LHFPL3: variants seen among roughly 807,000 people sequenced by gnomAD.
The protein encoded by LHFPL3 is LHFPL tetraspan subfamily member 3, also known as LHFPL tetraspan subfamily member 3 protein.
Under a neutral mutation model 19.3 loss-of-function variants are expected in LHFPL3, and 5 were observed. The ratio of observed to expected loss-of-function variants is 0.26; its 90% confidence interval spans 0.14 to 0.54. The LOEUF is 0.54. Among genes scored for constraint, LHFPL3 ranks in the 20% least tolerant of loss-of-function variants. The pLI, the probability that LHFPL3 is intolerant of heterozygous loss-of-function variation, is 0.94. For synonymous variants in LHFPL3, 133 were observed against 126.2 expected (o/e 1.05, Z -0.36); for missense variants, 249 against 307.4 (o/e 0.81, Z 1.42).
At chr7:104,352,553 A>G (rs947318238) in intron 1 of LHFPL3, among the ~76,000 whole-genome samples, 1 of 152,096 alleles carries the variant, frequency 6.6e-6, no homozygotes, top group South Asian at 2.1e-4. Context: ...CTCATGTACA[A>G]TGCATGTCCC....
At chr7:104,641,895 G>A (rs1791843222) in intron 1 of LHFPL3, among the ~76,000 whole-genome samples, 1 of 152,152 alleles carries the variant, frequency 6.6e-6, no homozygotes, top group East Asian at 1.9e-4. Flanking sequence ...TTTCATGGAT[G>A]TGATAGGTAT....
chr7:104,477,617 G>A (rs535809738), intron 1 of LHFPL3, among the ~76,000 whole-genome samples: 189 of 152,138 alleles, frequency 1.2e-3, no homozygotes, highest in Non-Finnish European at 1.4e-3. Context: ...GTGAAAGGAG[G>A]GAGAGAATCA....
chr7:104,549,245 C>G (rs950490966), intron 1 of LHFPL3, among the ~76,000 whole-genome samples: 4 of 152,030 alleles, frequency 2.6e-5, no homozygotes, highest in Non-Finnish European at 5.9e-5. Flanking sequence ...ACTAACTTCT[C>G]TCTTCTCTCT....
At chr7:104,527,377 T>G (rs62485139) in intron 1 of LHFPL3, among the ~76,000 whole-genome samples, 2,181 of 152,172 alleles carry the variant, frequency 0.014, 18 homozygotes, top group East Asian at 0.029. Context: ...AGCTAAATAA[T>G]TGAGTAGGAG....
chr7:104,388,393 T>A (rs1011045647), intron 1 of LHFPL3, among the ~76,000 whole-genome samples: 1 of 152,090 alleles, frequency 6.6e-6, no homozygotes, highest in African/African-American at 2.4e-5. Context: ...GTAAAAGGGA[T>A]CCTCAATAAG....
chr7:104,541,311 A>C (rs1252593901), intron 1 of LHFPL3, among the ~76,000 whole-genome samples: 1 of 152,138 alleles, frequency 6.6e-6, no homozygotes, highest in Non-Finnish European at 1.5e-5. Flanking sequence ...CTCTTCCATT[A>C]AAATGTAAAT....
At chr7:104,637,328 G>A (rs1020839320) in intron 1 of LHFPL3, among the ~76,000 whole-genome samples, 1 of 152,112 alleles carries the variant, frequency 6.6e-6, no homozygotes, top group Non-Finnish European at 1.5e-5. Context: ...CATTCTAACA[G>A]TTGTCTCTTT....
intron 1 of LHFPL3, among the ~76,000 whole-genome samples, chr7:104,588,798 A>G (rs1048264775): frequency 9.9e-5 from 15 of 152,148 alleles, no homozygotes; most frequent in African/African-American, 3.4e-4. Context: ...TTTGTTGAGC[A>G]GTGGTTTGTA....
intron 2 of LHFPL3, among the ~76,000 whole-genome samples, chr7:104,803,267 T>C (rs1188517258): frequency 1.3e-5 from 2 of 152,200 alleles, no homozygotes; most frequent in African/African-American, 4.8e-5. Context: ...ACTATATACA[T>C]GCCTATGGCA....
chr7:104,569,854 A>G (rs1395847390), intron 1 of LHFPL3, among the ~76,000 whole-genome samples: 2 of 151,980 alleles, frequency 1.3e-5, no homozygotes, highest in African/African-American at 2.4e-5. Flanking sequence ...TTCAAACCCA[A>G]CTCTGTTTGA....
intron 2 of LHFPL3, among the ~76,000 whole-genome samples, chr7:104,804,493 C>A (rs1790316288): frequency 6.6e-6 from 1 of 152,194 alleles, no homozygotes; most frequent in Non-Finnish European, 1.5e-5. Flanking sequence ...TGAGGGTGGG[C>A]AAGACTTTGT....
chr7:104,626,515 T>C (rs1291625457), intron 1 of LHFPL3, among the ~76,000 whole-genome samples: 1 of 152,110 alleles, frequency 6.6e-6, no homozygotes, highest in Non-Finnish European at 1.5e-5. Flanking sequence ...CAGTTTGGGG[T>C]ATTTGACATA....
chr7:104,831,219 T>C (rs1790947889), intron 2 of LHFPL3, among the ~76,000 whole-genome samples: 1 of 5,218 alleles, frequency 1.9e-4, no homozygotes, highest in Admixed American at 3.6e-3. Context: ...AGCTGCACTT[T>C]TATTCTTAAT....
chr7:104,585,520 C>CACACACAT (rs1314474436), intron 1 of LHFPL3, among the ~76,000 whole-genome samples: 9 of 150,864 alleles, frequency 6.0e-5, no homozygotes, highest in African/African-American at 2.2e-4. Context: ...CACACACACA[C>CACACACAT]ACGGCCTTGT....
At position 104,594,918 on chromosome 7, in the gene LHFPL3, T is replaced by C. The variant is rs147740764; in HGVS notation, c.446-141757T>C. ...CATTTAAGGTCTTCCCTACACTGTT[T>C]ATTCTAGTTAGCCATTCGTCTAATC... On this transcript the variant is annotated intron_variant, in intron 1 of 2. Coordinates refer to ENST00000424859, the MANE Select transcript of LHFPL3 (RefSeq NM_199000.3). Among the ~76,000 whole-genome samples the C allele has an allele frequency of 2.7e-3, 416 of 152,334 alleles. 4 individuals are homozygous for C. The highest frequency in any genetic ancestry group is 9.1e-3 in the African/African-American group (377 of 41,592).
chr7:104,678,521 C>T (rs929604384), intron 1 of LHFPL3, among the ~76,000 whole-genome samples: 2 of 152,110 alleles, frequency 1.3e-5, no homozygotes, highest in African/African-American at 4.8e-5. Context: ...CCTGGCCAAA[C>T]TTGGTGTGTT....
intron 1 of LHFPL3, among the ~76,000 whole-genome samples, chr7:104,477,597 A>T (rs13225381): frequency 0.27 from 41,138 of 151,934 alleles, 6,581 homozygotes; most frequent in Non-Finnish European, 0.37. Context: ...GGCCTTTCGG[A>T]GGGTGGAGGG....
At chr7:104,351,067 G>C (rs1241276418) in intron 1 of LHFPL3, among the ~76,000 whole-genome samples, 1 of 151,198 alleles carries the variant, frequency 6.6e-6, no homozygotes, top group African/African-American at 2.4e-5. Flanking sequence ...GAAAGAAAAG[G>C]TCTCTTCGAC....
intron 1 of LHFPL3, among the ~76,000 whole-genome samples, chr7:104,474,673 A>G (rs915591379): frequency 1.6e-5 from 2 of 123,628 alleles, no homozygotes; most frequent in African/African-American, 6.5e-5. Flanking sequence ...TCACAACGAC[A>G]ACAACAACAA....
Sources: gnomAD v4.1 joint callset for allele counts (sites outside exome capture counted in the v4.1 genomes callset) on GRCh38, gnomAD v4.1.1 for gene constraint, MANE v1.5 for transcripts, NCBI Gene and HGNC (gene_info 2026-07-23, HGNC 2026-07-21) for gene names.